USP53: variants seen among roughly 807,000 people sequenced by gnomAD.
The protein encoded by USP53 is ubiquitin specific peptidase 53.
In USP53, 71 loss-of-function variants were observed where a neutral mutation model predicts 94.9. The observed-to-expected ratio is 0.75, with a 90% CI of 0.62 to 0.91. The LOEUF is 0.91. Ranked by LOEUF, USP53 falls within the 40% of genes least tolerant of loss-of-function variation. The probability of loss-of-function intolerance (pLI) is 0.00; values close to 1 mark genes in which losing one functional copy is unlikely to be tolerated. For synonymous variants in USP53, 375 were observed against 422.7 expected (o/e 0.89, Z 1.39); for missense variants, 1,173 against 1,281.0 (o/e 0.92, Z 1.29).
At chr4:119,266,001 A>T (rs1376530957) in intron 12 of USP53, among the ~76,000 whole-genome samples, 3 of 152,218 alleles carry the variant, frequency 2.0e-5, no homozygotes, top group African/African-American at 4.8e-5. Flanking sequence ...CATCTGCTAG[A>T]AAAATTCTGT....
rs952299508 is a variant in USP53 at position 119,246,609 on chromosome 4, CAG to C, written c.237+1181_237+1182del. On this transcript the variant is annotated intron_variant, in intron 6 of 18. Transcript: ENST00000692078. ...TTTACAGAGCAATAAATAACTATAA[CAG>C]GGGTTTAGATTGTGTAGGGCCTTAT... Among the ~76,000 whole-genome samples, 5 of 152,264 alleles carry C rather than the reference CAG, an allele frequency of 3.3e-5. No individual in the cohort carries two copies. In the South Asian group the frequency reaches 8.3e-4, roughly 25 times the overall value.
intron 14 of USP53, among the ~76,000 whole-genome samples, chr4:119,269,075 G>T (rs766188832): frequency 2.0e-5 from 3 of 152,102 alleles, no homozygotes; most frequent in Admixed American, 2.0e-4. Context: ...AGAATTAACA[G>T]TTATCCACAA....
At chr4:119,272,277 A>T (rs1489514269) in intron 16 of USP53, 3 of 336,372 alleles carry the variant, frequency 8.9e-6, no homozygotes, top group Non-Finnish European at 1.1e-5. Context: ...TTCCAAAAAT[A>T]GCAGCTTTTT....
chr4:119,245,308 T>G lies in USP53; in HGVS notation c.145-29T>G, dbSNP rs998067032. On this transcript the variant is annotated intron_variant, in intron 5 of 18. Transcript: ENST00000692078. ...ACAGTAAGAAAAATTTGTTTATTTC[T>G]TTTTCCTTAACATCTCCCTGTTTTT... 8 of 1,602,232 alleles carry G rather than the reference T, an allele frequency of 5.0e-6. No homozygotes were observed. The African/African-American group carries it at 8.1e-5, about 16-fold the overall frequency.
At chr4:119,217,360 C>T (rs558060300) in intron 2 of USP53, among the ~76,000 whole-genome samples, 190 bp from the exon 3 acceptor site, 31 of 152,260 alleles carry the variant, frequency 2.0e-4, no homozygotes, top group Admixed American at 3.9e-4. Context: ...CCTCCTTTGT[C>T]AGTGTAGTAC....
At chr4:119,225,796 A>G (rs1420909206) in intron 3 of USP53, among the ~76,000 whole-genome samples, 7 of 152,156 alleles carry the variant, frequency 4.6e-5, no homozygotes, top group African/African-American at 1.2e-4. Flanking sequence ...TCAGACAAAG[A>G]TATCACAAGA....
At chr4:119,247,999 A>T (rs890470291) in intron 6 of USP53, among the ~76,000 whole-genome samples, 5 of 152,066 alleles carry the variant, frequency 3.3e-5, no homozygotes, top group South Asian at 2.1e-4. Context: ...TTGAGATGAC[A>T]TGACCCTTTG....
rs200469625 is a variant in USP53, at chr4:119,292,866, G to A, written c.2877G>A (p.Pro959=). 4 of 1,614,028 alleles carry A rather than the reference G, an allele frequency of 2.5e-6. No homozygotes were observed. The highest frequency in any genetic ancestry group is 1.7e-5 in the Admixed American group (1 of 59,992). ...TGTTTAAAGCTACCTCTCATCTTCCGAAGCACAGTTTAAGTACAGCTTCAG... is the reference window on the plus strand; with the variant it reads ...TGTTTAAAGCTACCTCTCATCTTCCAAAGCACAGTTTAAGTACAGCTTCAG... ...TEVFKATSHL[P]KHSLSTASEP... The change falls in exon 19 of 19, where the codon CCG becomes CCA. Residue 959 remains proline (P), a synonymous_variant. Coordinates refer to ENST00000692078, the MANE Select transcript of USP53 (RefSeq NM_001371395.1).
At chr4:119,213,660 A>ATATATATATATGTG in intron 1 of USP53, among the ~76,000 whole-genome samples, 2 of 117,792 alleles carry the variant, frequency 1.7e-5, no homozygotes, top group Non-Finnish European at 3.4e-5. Context: ...ATATATATAT[A>ATATATATATATGTG]TGTGTGTGTG....
At chr4:119,255,776 A>G (rs184192147) in intron 7 of USP53, among the ~76,000 whole-genome samples, 1,703 of 152,292 alleles carry the variant, frequency 0.011, 38 homozygotes, top group Middle Eastern at 0.034. Flanking sequence ...ACCAGTCCCA[A>G]TGAGATGAAC....
At chr4:119,225,791 CAA>C (rs996252247) in intron 3 of USP53, among the ~76,000 whole-genome samples, 12 of 151,514 alleles carry the variant, frequency 7.9e-5, no homozygotes, top group Middle Eastern at 3.4e-3. Flanking sequence ...CAAAATCAGA[CAA>C]AGATATCACA....
At chr4:119,217,730 G>A (rs1743992738) in intron 3 of USP53, 57 bp downstream of exon 3, 1 of 152,232 alleles carries the variant, frequency 6.6e-6, no homozygotes, top group African/African-American at 2.4e-5. Context: ...TTTTAAATAA[G>A]TGTAGGCCTC....
intron 12 of USP53, among the ~76,000 whole-genome samples, chr4:119,266,499 T>A (rs898985477): frequency 6.6e-6 from 1 of 152,228 alleles, no homozygotes; most frequent in East Asian, 1.9e-4. Context: ...CGTGTATGTA[T>A]AATATTATCT....
At chr4:119,260,106 TC>T (rs1750303487) in intron 10 of USP53, among the ~76,000 whole-genome samples, 181 bp downstream of exon 10, 1 of 152,204 alleles carries the variant, frequency 6.6e-6, no homozygotes, top group African/African-American at 2.4e-5. Context: ...GTTTAAAAAC[TC>T]CTAAGTTTGT....
intron 17 of USP53, among the ~76,000 whole-genome samples, chr4:119,281,198 TC>T (rs1187101877): frequency 6.6e-6 from 1 of 152,190 alleles, no homozygotes; most frequent in East Asian, 1.9e-4. Context: ...GATTCAGGGT[TC>T]CTATTGGGAG....
At position 119,239,675 on chromosome 4, in the gene USP53, C is replaced by A; in HGVS notation, c.-85C>A. The stretch of plus-strand genomic sequence containing the variant: ...ATAGACTGCAGTGGATTTAATTGGA[C>A]AATTCAAGACATCCATTTTATTGTC... On this transcript the variant is annotated 5_prime_UTR_variant, in exon 5 of 19. Coordinates refer to ENST00000692078, the MANE Select transcript of USP53 (RefSeq NM_001371395.1). 7.0e-7 allele frequency: 1 copy of A among 1,436,154 alleles called. No individual in the cohort carries two copies. The highest frequency in any genetic ancestry group is 9.3e-7 in the Non-Finnish European group (1 of 1,073,060). The allele number at this position is 1,436,154 out of a possible 1,614,324, so 89.0% of individuals were successfully genotyped here.
intron 3 of USP53, among the ~76,000 whole-genome samples, chr4:119,227,041 A>G (rs1359784419): frequency 1.3e-5 from 2 of 151,994 alleles, no homozygotes; most frequent in African/African-American, 4.8e-5. Flanking sequence ...TGTGTTGCCC[A>G]AGGTGCTCTC....
chr4:119,218,820 G>A (rs1453189522), intron 3 of USP53: 2 of 151,996 alleles, frequency 1.3e-5, no homozygotes, highest in African/African-American at 4.8e-5. Flanking sequence ...TCTTCTGTTT[G>A]CTATCTAGTT....
At chr4:119,232,087 G>A (rs1186189999) in intron 3 of USP53, among the ~76,000 whole-genome samples, 1 of 152,206 alleles carries the variant, frequency 6.6e-6, no homozygotes, top group East Asian at 1.9e-4. Flanking sequence ...GGAATGCTAT[G>A]TAAAGTCTTT....
Sources: gnomAD v4.1 joint callset for allele counts (sites outside exome capture counted in the v4.1 genomes callset) on GRCh38, gnomAD v4.1.1 for gene constraint, MANE v1.5 for transcripts, NCBI Gene and HGNC (gene_info 2026-07-23, HGNC 2026-07-21) for gene names.